Variants in TACC1 observed in about 807,000 individuals in gnomAD.
The protein encoded by TACC1 is transforming acidic coiled-coil containing protein 1, also known as transforming acidic coiled-coil-containing protein 1.
TACC1 carries 48 observed loss-of-function variants against 84.4 expected under a neutral mutation model. The ratio of observed to expected loss-of-function variants is 0.57; its 90% CI spans 0.45 to 0.72. The LOEUF (loss-of-function observed/expected upper bound fraction) is 0.72. Ranked by LOEUF, TACC1 falls within the 30% of genes least tolerant of loss-of-function variation. The pLI is 0.00. For synonymous variants in TACC1, 372 were observed against 376.3 expected (o/e 0.99, Z 0.13); for missense variants, 920 against 973.0 (o/e 0.95, Z 0.72).
chr8:38,842,907 A>C (rs995613714), intron 10 of TACC1, among the ~76,000 whole-genome samples: 3 of 152,174 alleles, frequency 2.0e-5, no homozygotes, highest in African/African-American at 7.2e-5. Flanking sequence ...CTGTTGATTT[A>C]ATTTAACTTT....
intron 3 of TACC1, among the ~76,000 whole-genome samples, chr8:38,746,671 C>T (rs1808145239): frequency 1.3e-5 from 2 of 152,112 alleles, no homozygotes; most frequent in Non-Finnish European, 2.9e-5. Flanking sequence ...TTAACTCCAT[C>T]TGGTGAATTT....
chr8:38,792,292 A>G (rs1818851432), intron 2 of TACC1, among the ~76,000 whole-genome samples: 1 of 152,150 alleles, frequency 6.6e-6, no homozygotes, highest in Non-Finnish European at 1.5e-5. Flanking sequence ...TACAATCTCA[A>G]GTTCATCCTC....
intron 1 of TACC1, among the ~76,000 whole-genome samples, chr8:38,732,278 A>G (rs1204125637): frequency 6.6e-6 from 1 of 152,050 alleles, no homozygotes; most frequent in Non-Finnish European, 1.5e-5. Context: ...CTCTGACCTA[A>G]TGTTATATAA....
intron 2 of TACC1, among the ~76,000 whole-genome samples, chr8:38,798,594 G>A (rs1443486894): frequency 7.2e-6 from 1 of 139,496 alleles, no homozygotes. Context: ...GTAGTTTGTT[G>A]TCTGGGTTCT....
intron 2 of TACC1, among the ~76,000 whole-genome samples, chr8:38,794,048 G>T (rs946741988): frequency 6.6e-6 from 1 of 152,218 alleles, no homozygotes; most frequent in Non-Finnish European, 1.5e-5. Context: ...GTCTAGGCCT[G>T]CATGTTCAGG....
chr8:38,835,171 G>C (rs111262714), intron 6 of TACC1, among the ~76,000 whole-genome samples: 1 of 151,496 alleles, frequency 6.6e-6, no homozygotes, highest in East Asian at 1.9e-4. Flanking sequence ...GGAGAATGGC[G>C]TGAACCCGGG....
intron 2 of TACC1, among the ~76,000 whole-genome samples, chr8:38,803,466 A>G (rs1821902671): frequency 6.6e-6 from 1 of 152,192 alleles, no homozygotes; most frequent in African/African-American, 2.4e-5. Flanking sequence ...TGTTTTTATC[A>G]TAAAAGAGTG....
chr8:38,779,421 G>T (rs1815497447), intron 3 of TACC1, among the ~76,000 whole-genome samples: 1 of 152,190 alleles, frequency 6.6e-6, no homozygotes, highest in African/African-American at 2.4e-5. Flanking sequence ...TTTGGGGAAG[G>T]GCACACCCTG....
intron 11 of TACC1, among the ~76,000 whole-genome samples, chr8:38,845,542 G>A (rs1333655197): frequency 6.6e-6 from 1 of 152,044 alleles, no homozygotes; most frequent in Non-Finnish European, 1.5e-5. Context: ...ATTTTTTCAT[G>A]TCAGAACATA....
chr8:38,790,560 G>A (rs927102160), intron 2 of TACC1, among the ~76,000 whole-genome samples: 4 of 152,148 alleles, frequency 2.6e-5, no homozygotes, highest in African/African-American at 7.2e-5. Context: ...AAGTGGCAGC[G>A]CCAGCTTTCA....
chr8:38,818,569 A>C (rs914766524), intron 2 of TACC1, among the ~76,000 whole-genome samples: 4 of 152,222 alleles, frequency 2.6e-5, no homozygotes, highest in African/African-American at 9.6e-5. Flanking sequence ...CTAAAGAAAA[A>C]ATAACTTTAT....
intron 3 of TACC1, among the ~76,000 whole-genome samples, chr8:38,770,884 C>A (rs1813478169): frequency 6.6e-6 from 1 of 152,052 alleles, no homozygotes; most frequent in African/African-American, 2.4e-5. Flanking sequence ...TTTTGCCAAA[C>A]AGATGGGCCA....
At chr8:38,776,106 T>A (rs2151916905) in intron 3 of TACC1, among the ~76,000 whole-genome samples, 1 of 152,350 alleles carries the variant, frequency 6.6e-6, no homozygotes, top group Non-Finnish European at 1.5e-5. Context: ...AGTTATACAA[T>A]CATATTATTT....
At chr8:38,755,159 C>CA (rs35992046) in intron 3 of TACC1, among the ~76,000 whole-genome samples, 6,782 of 71,910 alleles carry the variant, frequency 0.094, 436 homozygotes, top group Middle Eastern at 0.2. Flanking sequence ...GACTCCATCT[C>CA]AAAAAAAAAA....
chr8:38,804,204 A>G (rs1364402678), intron 2 of TACC1, among the ~76,000 whole-genome samples: 1 of 152,188 alleles, frequency 6.6e-6, no homozygotes, highest in East Asian at 1.9e-4. Flanking sequence ...ATTTTTAATT[A>G]TAGGAAAACA....
intron 2 of TACC1, among the ~76,000 whole-genome samples, chr8:38,803,388 C>T (rs542335696): frequency 2.0e-4 from 30 of 152,286 alleles, no homozygotes; most frequent in Middle Eastern, 3.4e-3. Flanking sequence ...TTAAGTATGA[C>T]GTCAGCTGTG....
rs1832684222 is a variant in TACC1 at position 38,848,424 on chromosome 8, T to C, written c.*401T>C. On this transcript the variant is annotated 3_prime_UTR_variant, in exon 13 of 13. Transcript: ENST00000317827. ...TTTTTTTGTGATCTGTTTAATCTTT[T>C]AATTTTTTAGTATCAGTGGTTTTAT... 1 of 156,008 alleles carries C rather than the reference T, an allele frequency of 6.4e-6. No individual in the cohort carries two copies. The highest frequency in any genetic ancestry group is 1.4e-5 in the Non-Finnish European group (1 of 70,522). The allele number at this position is 156,008 out of a possible 1,614,324, so 9.7% of individuals were successfully genotyped here.
At chr8:38,813,662 G>A (rs1236756535) in intron 2 of TACC1, among the ~76,000 whole-genome samples, 4 of 152,170 alleles carry the variant, frequency 2.6e-5, no homozygotes. Flanking sequence ...CTCTCATCCT[G>A]TACTTATATG....
intron 3 of TACC1, chr8:38,757,106 A>G (rs1480275815): frequency 2.5e-5 from 10 of 407,850 alleles, no homozygotes; most frequent in Non-Finnish European, 3.8e-5. Flanking sequence ...CCGCATCTCC[A>G]GGCGGCAGCA....
Sources: gnomAD v4.1 joint callset for allele counts (sites outside exome capture counted in the v4.1 genomes callset) on GRCh38, gnomAD v4.1.1 for gene constraint, MANE v1.5 for transcripts, NCBI Gene and HGNC (gene_info 2026-07-23, HGNC 2026-07-21) for gene names.